EYS: variants seen among roughly 807,000 people sequenced by gnomAD.
The protein encoded by EYS is protein eyes shut homolog.
In EYS, 250 loss-of-function variants were observed where a neutral mutation model predicts 282.1. That is an observed-to-expected ratio of 0.89 (90% confidence interval 0.80 to 0.98). The LOEUF is 0.98. Ranked by LOEUF, EYS falls within the 50% of genes least tolerant of loss-of-function variation. The pLI is 0.00. For synonymous variants in EYS, 1,355 were observed against 1,282.9 expected (o/e 1.06, Z -1.20); for missense variants, 4,016 against 3,709.0 (o/e 1.08, Z -2.15).
At chr6:64,294,247 T>C (rs1413382582) in intron 30 of EYS, among the ~76,000 whole-genome samples, 4 of 152,206 alleles carry the variant, frequency 2.6e-5, no homozygotes, top group Non-Finnish European at 1.5e-5. Context: ...TCTCTGTCAA[T>C]GCTATGTTAA....
chr6:64,780,646 C>G (rs1773830835), intron 22 of EYS, among the ~76,000 whole-genome samples: 1 of 152,138 alleles, frequency 6.6e-6, no homozygotes, highest in Admixed American at 6.6e-5. Flanking sequence ...CAAACTTGAA[C>G]ACATATTCCC....
chr6:65,466,524 C>A (rs1228203032), intron 5 of EYS, among the ~76,000 whole-genome samples: 2 of 150,682 alleles, frequency 1.3e-5, no homozygotes, highest in East Asian at 3.9e-4. Flanking sequence ...ATATGAGGAA[C>A]ATTGTTAAAA....
rs188745196 is a variant in EYS, at chr6:64,694,108, A to T, written c.3444-67863T>A. On this transcript the variant is annotated intron_variant, in intron 22 of 42. Transcript: ENST00000503581. The stretch of plus-strand genomic sequence containing the variant: ...AATTTATTGTTCAAACTTAAAAGTT[A>T]AATGATAGTAGCTGAAAATTAAAAT... 2.3e-4 allele frequency among the ~76,000 whole-genome samples: 35 copies of T among 152,352 alleles called. 2 individuals carry two copies. The highest frequency in any genetic ancestry group is 8.4e-4 in the African/African-American group (35 of 41,586).
intron 22 of EYS, among the ~76,000 whole-genome samples, chr6:64,665,615 C>A (rs1769204159): frequency 6.6e-6 from 1 of 152,138 alleles, no homozygotes; most frequent in Admixed American, 6.5e-5. Flanking sequence ...TGTATATAGA[C>A]ATTTAAAACA....
chr6:64,864,586 AT>A (rs149969300), intron 19 of EYS, among the ~76,000 whole-genome samples: 9,324 of 149,876 alleles, frequency 0.062, 323 homozygotes, highest in East Asian at 0.17. Context: ...GGGATTCACC[AT>A]GTTGGCTACG....
intron 5 of EYS, among the ~76,000 whole-genome samples, chr6:65,472,342 T>C (rs1256237725): frequency 6.6e-6 from 1 of 152,048 alleles, no homozygotes; most frequent in Non-Finnish European, 1.5e-5. Context: ...GGCAGTACGT[T>C]AGGATGATCA....
chr6:65,618,560 A>T (rs1766319492), intron 2 of EYS, among the ~76,000 whole-genome samples: 2 of 152,194 alleles, frequency 1.3e-5, no homozygotes, highest in Admixed American at 1.3e-4. Context: ...TAGTTTAATT[A>T]GATCCCATTT....
intron 19 of EYS, among the ~76,000 whole-genome samples, chr6:64,836,431 T>C (rs546180472): frequency 5.9e-4 from 89 of 151,644 alleles, no homozygotes; most frequent in Non-Finnish European, 1.1e-3. Context: ...TCTTTATGCA[T>C]ACACACACAT....
intron 24 of EYS, among the ~76,000 whole-genome samples, chr6:64,601,150 C>T (rs1014948199): frequency 4.6e-5 from 7 of 151,982 alleles, no homozygotes; most frequent in African/African-American, 1.7e-4. Context: ...TGGAATTTAT[C>T]ATGGCTTAGT....
intron 12 of EYS, among the ~76,000 whole-genome samples, chr6:65,177,256 C>T (rs772924910): frequency 6.6e-6 from 1 of 151,792 alleles, no homozygotes. Context: ...AAAGCAATCA[C>T]ATTTCAAAGA....
chr6:64,625,279 A>G (rs1415494305), intron 23 of EYS, among the ~76,000 whole-genome samples: 1 of 152,236 alleles, frequency 6.6e-6, no homozygotes, highest in Admixed American at 6.5e-5. Context: ...GAATATGATC[A>G]AAGGTAGAGA....
chr6:64,162,201 T>C (rs1382376173), intron 31 of EYS, among the ~76,000 whole-genome samples: 1 of 152,204 alleles, frequency 6.6e-6, no homozygotes, highest in Non-Finnish European at 1.5e-5. Context: ...AAGATTCATA[T>C]GCACATCCCC....
intron 35 of EYS, among the ~76,000 whole-genome samples, chr6:63,965,211 A>G (rs1766248985): frequency 6.6e-6 from 1 of 152,190 alleles, no homozygotes; most frequent in African/African-American, 2.4e-5. Flanking sequence ...TACTTTGTGT[A>G]AGATCGATAA....
chr6:64,904,600 A>G (rs1229673331), intron 16 of EYS, among the ~76,000 whole-genome samples: 2 of 152,182 alleles, frequency 1.3e-5, no homozygotes, highest in African/African-American at 4.8e-5. Flanking sequence ...AGTGTATTTC[A>G]CCATTTCTAC....
intron 13 of EYS, among the ~76,000 whole-genome samples, chr6:65,023,914 G>T (rs72877819): frequency 0.068 from 10,305 of 152,204 alleles, 432 homozygotes; most frequent in East Asian, 0.13. Flanking sequence ...ATACATAGCA[G>T]TCCAATAAAT....
chr6:65,571,421 G>A (rs1164121880), intron 2 of EYS, among the ~76,000 whole-genome samples: 1 of 151,914 alleles, frequency 6.6e-6, no homozygotes, highest in African/African-American at 2.4e-5. Context: ...TACTCTTTCT[G>A]GTACAGAGAA....
intron 1 of EYS, among the ~76,000 whole-genome samples, chr6:65,682,244 T>G (rs1197946344): frequency 6.6e-6 from 1 of 151,868 alleles, no homozygotes; most frequent in Non-Finnish European, 1.5e-5. Flanking sequence ...ATGTCACTGC[T>G]GAGAAATACA....
At chr6:63,722,069 G>C (rs1768419478) in intron 42 of EYS, among the ~76,000 whole-genome samples, 1 of 152,052 alleles carries the variant, frequency 6.6e-6, no homozygotes, top group African/African-American at 2.4e-5. Flanking sequence ...TTAAAGTGAG[G>C]TTTTTCTTCA....
intron 2 of EYS, among the ~76,000 whole-genome samples, chr6:65,558,952 TTAA>T (rs1416950641): frequency 1.3e-5 from 2 of 152,226 alleles, no homozygotes; most frequent in Admixed American, 6.5e-5. Flanking sequence ...TCTCCCACTT[TTAA>T]TAATATCACA....
Sources: gnomAD v4.1 joint callset for allele counts (sites outside exome capture counted in the v4.1 genomes callset) on GRCh38, gnomAD v4.1.1 for gene constraint, MANE v1.5 for transcripts, NCBI Gene and HGNC (gene_info 2026-07-23, HGNC 2026-07-21) for gene names.